Variants in HBS1L observed in about 807,000 individuals in gnomAD.
HBS1L encodes HBS1-like protein.
In HBS1L, 55 loss-of-function variants were observed where a neutral mutation model predicts 88.9. That is an observed-to-expected ratio of 0.62 (90% CI 0.50 to 0.77). The LOEUF is 0.77. HBS1L is among the 30% of genes least tolerant of loss of function. The pLI is 0.00. For missense variants in HBS1L, 741 were observed against 829.3 expected, an observed-to-expected ratio of 0.89 and a Z score of 1.31; for synonymous variants, 267 against 288.5, an observed-to-expected ratio of 0.93 and a Z score of 0.76.
At chr6:134,991,985 T>C (rs766649948) in intron 8 of HBS1L, among the ~76,000 whole-genome samples, 1 of 152,140 alleles carries the variant, frequency 6.6e-6, no homozygotes, top group Non-Finnish European at 1.5e-5. Context: ...AGAGGATCCC[T>C]TGAGCCCGGG....
chr6:134,990,342 G>A (rs1448610584), intron 8 of HBS1L, among the ~76,000 whole-genome samples: 3 of 152,112 alleles, frequency 2.0e-5, no homozygotes, highest in Non-Finnish European at 4.4e-5. Flanking sequence ...TTCTTGCAGC[G>A]CAACTGTTAG....
chr6:134,999,593 GC>G (rs1562288865), intron 5 of HBS1L, among the ~76,000 whole-genome samples: 17 of 151,542 alleles, frequency 1.1e-4, no homozygotes, highest in African/African-American at 4.1e-4. Context: ...GATTACAGGC[GC>G]TGGCCACTAC....
rs1342365836 is a variant in HBS1L at position 135,054,770 on chromosome 6, G to A, written c.-79C>T. ...CTTAGATACTGATAAGGCGCCAACT[G>A]CAGCCTGGAGAACCCCTATGCGCCA... is the stretch of plus-strand genomic sequence containing the variant. On this transcript the variant is annotated 5_prime_UTR_variant, in exon 1 of 18. Coordinates refer to ENST00000367837, the MANE Select transcript of HBS1L (RefSeq NM_006620.4). 2 of 1,547,498 alleles carry A rather than the reference G, an allele frequency of 1.3e-6. No individual in the cohort carries two copies. Among genetic ancestry groups the A allele is most frequent in the Non-Finnish European group, 1.8e-6 (2 of 1,128,358 alleles).
intron 8 of HBS1L, among the ~76,000 whole-genome samples, chr6:134,989,062 T>A (rs964526385): frequency 2.6e-5 from 4 of 152,214 alleles, no homozygotes; most frequent in Non-Finnish European, 4.4e-5. Context: ...TAACCTCAGC[T>A]TAGCTCAGTT....
At chr6:135,021,241 A>G (rs1409846952) in intron 4 of HBS1L, among the ~76,000 whole-genome samples, 1 of 152,106 alleles carries the variant, frequency 6.6e-6, no homozygotes, top group Non-Finnish European at 1.5e-5. Context: ...ATTGCCTACA[A>G]TTACTGCTTA....
chr6:135,001,869 G>T (rs1215960427), intron 5 of HBS1L, among the ~76,000 whole-genome samples: 3 of 141,108 alleles, frequency 2.1e-5, no homozygotes, highest in Non-Finnish European at 4.6e-5. Context: ...TTAGACAAAA[G>T]AATATTGTAA....
chr6:135,037,217 G>T, intron 4 of HBS1L: 1 of 1,551,870 alleles, frequency 6.4e-7, no homozygotes, highest in Non-Finnish European at 8.7e-7. Flanking sequence ...TGTGACAGGG[G>T]AAAGGATCCC....
chr6:135,010,410 A>G (rs911835113), intron 4 of HBS1L, among the ~76,000 whole-genome samples: 1 of 152,228 alleles, frequency 6.6e-6, no homozygotes, highest in African/African-American at 2.4e-5. Flanking sequence ...TATTGTTTCT[A>G]TAATAATATC....
At chr6:134,986,472 A>C (rs1422235322) in intron 10 of HBS1L, among the ~76,000 whole-genome samples, 1 of 152,034 alleles carries the variant, frequency 6.6e-6, no homozygotes, top group Non-Finnish European at 1.5e-5. Context: ...CTCCTCTATG[A>C]CCTCCCTAAA....
At chr6:135,021,562 T>C (rs1173124504) in intron 4 of HBS1L, among the ~76,000 whole-genome samples, 1 of 152,192 alleles carries the variant, frequency 6.6e-6, no homozygotes, top group East Asian at 1.9e-4. Flanking sequence ...GGTTAAATAA[T>C]ACTAGCAGAA....
At chr6:135,001,223 T>C (rs536468322) in intron 5 of HBS1L, among the ~76,000 whole-genome samples, 1 of 152,210 alleles carries the variant, frequency 6.6e-6, no homozygotes, top group Non-Finnish European at 1.5e-5. Flanking sequence ...TAACAGTCCC[T>C]GGCCTCACAA....
At chr6:134,966,770 A>G (rs1285912303) in intron 16 of HBS1L, among the ~76,000 whole-genome samples, 2 of 151,566 alleles carry the variant, frequency 1.3e-5, no homozygotes, top group Admixed American at 1.3e-4. Context: ...GCCCCTCATC[A>G]TGAAATAAAT....
intron 15 of HBS1L, among the ~76,000 whole-genome samples, chr6:134,977,541 G>A (rs1212026409): frequency 6.6e-6 from 1 of 151,860 alleles, no homozygotes; most frequent in Non-Finnish European, 1.5e-5. Flanking sequence ...ATATAATTAT[G>A]TAAGTAAAGT....
At chr6:134,976,923 TAAAAAACAA>T (rs1414836021) in intron 15 of HBS1L, among the ~76,000 whole-genome samples, 3 of 151,716 alleles carry the variant, frequency 2.0e-5, no homozygotes, top group Non-Finnish European at 4.4e-5. Flanking sequence ...GACAAATAAA[TAAAAAACAA>T]AGGAAAAAAT....
chr6:134,997,082 C>G, intron 6 of HBS1L, 140 bp from the exon 7 acceptor site: 1 of 704,922 alleles, frequency 1.4e-6, no homozygotes, highest in Non-Finnish European at 2.3e-6. Context: ...GTTAAAACAT[C>G]TAATAGAAAA....
intron 2 of HBS1L, among the ~76,000 whole-genome samples, chr6:135,048,304 C>T (rs1776974024): frequency 6.6e-6 from 1 of 152,156 alleles, no homozygotes; most frequent in Non-Finnish European, 1.5e-5. Context: ...CTCCCAGAAC[C>T]AGCTTCAATT....
At chr6:135,048,913 A>C (rs1195733130) in intron 2 of HBS1L, among the ~76,000 whole-genome samples, 1 of 152,244 alleles carries the variant, frequency 6.6e-6, no homozygotes, top group Middle Eastern at 3.2e-3. Flanking sequence ...CAGGAAAAGG[A>C]TGACAGAGTA....
At chr6:135,022,037 T>C (rs575610028) in intron 4 of HBS1L, among the ~76,000 whole-genome samples, 1 of 152,272 alleles carries the variant, frequency 6.6e-6, no homozygotes, top group African/African-American at 2.4e-5. Flanking sequence ...CCTAGCCCCT[T>C]ACGAGCTACT....
At chr6:134,994,464 C>T (rs912023370) in intron 7 of HBS1L, among the ~76,000 whole-genome samples, 1 of 151,960 alleles carries the variant, frequency 6.6e-6, no homozygotes, top group African/African-American at 2.4e-5. Flanking sequence ...TTTTCAGCCA[C>T]AAAAATGTAG....
Sources: allele counts gnomAD v4.1 joint callset (sites outside exome capture counted in the v4.1 genomes callset), GRCh38; gene constraint gnomAD v4.1.1; transcripts MANE v1.5; gene names NCBI Gene and HGNC (gene_info 2026-07-23, HGNC 2026-07-21).